GLCE: variants seen among roughly 807,000 people sequenced by gnomAD.
GLCE encodes D-glucuronyl C5-epimerase.
A neutral mutation model predicts 47.9 loss-of-function variants in GLCE; 19 were observed. The observed-to-expected ratio is 0.40, with a 90% CI of 0.28 to 0.58. The LOEUF is 0.58. Ranked by LOEUF, GLCE falls within the 20% of genes least tolerant of loss-of-function variation. GLCE has a pLI of 0.48. For synonymous variants in GLCE, 245 were observed against 263.4 expected (o/e 0.93, Z 0.68); for missense variants, 556 against 743.3 (o/e 0.75, Z 2.93).
chr15:69,178,623 T>C (rs1427325572), intron 1 of GLCE, among the ~76,000 whole-genome samples: 1 of 152,076 alleles, frequency 6.6e-6, no homozygotes, highest in Non-Finnish European at 1.5e-5. Context: ...AGGAGAACAT[T>C]TTTTGATTAT....
chr15:69,167,909 G>T (rs1444177894), intron 1 of GLCE, among the ~76,000 whole-genome samples: 1 of 151,238 alleles, frequency 6.6e-6, no homozygotes, highest in Non-Finnish European at 1.5e-5. Flanking sequence ...TGTTTCATGA[G>T]GTCTTTAACA....
In GLCE at chr15:69,177,707, C is replaced by T. The variant is rs190129541; in HGVS notation, c.-105+16950C>T. 7.3e-5 allele frequency among the ~76,000 whole-genome samples: 10 copies of T among 137,804 alleles called. No individual in the cohort carries two copies. In the East Asian group the frequency reaches 1.2e-3, roughly 17 times the overall value. The allele number at this position is 137,804 out of a possible 152,430, so 90.4% of individuals were successfully genotyped here. A position where few individuals can be genotyped will look rare whatever the true frequency, so the allele number is the denominator to read the frequency against. On this transcript the variant is annotated intron_variant, in intron 1 of 4. Coordinates refer to ENST00000261858, the MANE Select transcript of GLCE (RefSeq NM_015554.3). ...CCCCTTTATCATCTTTACTTCATGC[C>T]GCTTTATCATCTTTACTTCATGCCG...
chr15:69,262,700 T>C (rs2053031436), intron 4 of GLCE, among the ~76,000 whole-genome samples: 1 of 152,158 alleles, frequency 6.6e-6, no homozygotes, highest in Non-Finnish European at 1.5e-5. Context: ...CTGTAGCCAG[T>C]AGCTGGAGAT....
intron 2 of GLCE, among the ~76,000 whole-genome samples, chr15:69,233,523 C>T (rs976703096): frequency 6.6e-6 from 1 of 152,144 alleles, no homozygotes; most frequent in African/African-American, 2.4e-5. Flanking sequence ...TGGGGGGAAA[C>T]ATTGATGTCA....
intron 4 of GLCE, among the ~76,000 whole-genome samples, chr15:69,263,581 A>G (rs2053043711): frequency 6.6e-6 from 1 of 152,164 alleles, no homozygotes; most frequent in African/African-American, 2.4e-5. Flanking sequence ...TTAAAATTGA[A>G]TGAATTGAAA....
At chr15:69,224,575 C>T (rs1331536715) in intron 2 of GLCE, among the ~76,000 whole-genome samples, 1 of 152,098 alleles carries the variant, frequency 6.6e-6, no homozygotes, top group Admixed American at 6.5e-5. Context: ...TTGACTACAC[C>T]CATGTGATCT....
intron 1 of GLCE, among the ~76,000 whole-genome samples, chr15:69,164,334 A>G (rs1487650477): frequency 2.0e-5 from 3 of 152,008 alleles, no homozygotes. Flanking sequence ...GTTTCTAGAA[A>G]GGAAATCATA....
chr15:69,200,157 G>A (rs2052057028), intron 1 of GLCE, among the ~76,000 whole-genome samples: 1 of 152,104 alleles, frequency 6.6e-6, no homozygotes, highest in South Asian at 2.1e-4. Context: ...CAAGGAGAAA[G>A]TTTCGTGCCA....
Position 69,204,890 on chromosome 15 carries a change from G to T in GLCE, c.-104-5426G>T, listed in dbSNP as rs1313304843. 2.0e-5 allele frequency among the ~76,000 whole-genome samples: 3 copies of T among 152,010 alleles called. No homozygotes were observed. In the East Asian group the frequency reaches 5.8e-4, roughly 29 times the overall value. On this transcript the variant is annotated intron_variant, in intron 1 of 4. Transcript: ENST00000261858. ...GTCACGACTGAGCTATTTGTCACTT[G>T]CTCTATCTGAAAAGTAGGCAGAATA...
intron 3 of GLCE, among the ~76,000 whole-genome samples, chr15:69,258,463 A>G (rs1404038252): frequency 6.6e-6 from 1 of 152,194 alleles, no homozygotes; most frequent in East Asian, 1.9e-4. Context: ...TTTATTGAAC[A>G]TTTTAATAAC....
At chr15:69,242,785 C>T (rs1248946074) in intron 2 of GLCE, among the ~76,000 whole-genome samples, 2 of 151,996 alleles carry the variant, frequency 1.3e-5, no homozygotes, top group Admixed American at 6.6e-5. Flanking sequence ...TAGCTCATGC[C>T]TGTAATCCCA....
chr15:69,232,465 G>GTA (rs368817375), intron 2 of GLCE, among the ~76,000 whole-genome samples: 2 of 143,696 alleles, frequency 1.4e-5, no homozygotes, highest in Admixed American at 1.4e-4. Context: ...GTGTGTGTGT[G>GTA]TATGTATGTA....
At chr15:69,195,659 C>T (rs922450620) in intron 1 of GLCE, among the ~76,000 whole-genome samples, 7 of 152,052 alleles carry the variant, frequency 4.6e-5, no homozygotes, top group Non-Finnish European at 1.0e-4. Flanking sequence ...GGTATGTTTT[C>T]AGGGGAATGC....
At chr15:69,200,191 G>A (rs2052058058) in intron 1 of GLCE, among the ~76,000 whole-genome samples, 1 of 152,100 alleles carries the variant, frequency 6.6e-6, no homozygotes, top group African/African-American at 2.4e-5. Flanking sequence ...ATGCTCTGCT[G>A]TTGTTTTAAC....
intron 1 of GLCE, among the ~76,000 whole-genome samples, chr15:69,184,489 A>G (rs1451124062): frequency 6.6e-6 from 1 of 152,258 alleles, no homozygotes; most frequent in African/African-American, 2.4e-5. Context: ...CAGTGTTCTT[A>G]AAATATTTTT....
chr15:69,170,678 G>A (rs983622471), intron 1 of GLCE, among the ~76,000 whole-genome samples: 1 of 152,172 alleles, frequency 6.6e-6, no homozygotes, highest in Admixed American at 6.5e-5. Flanking sequence ...ACCATTTTGT[G>A]TATTAAAAAT....
chr15:69,200,549 A>G (rs755036571), intron 1 of GLCE, among the ~76,000 whole-genome samples: 2 of 152,174 alleles, frequency 1.3e-5, no homozygotes, highest in African/African-American at 2.4e-5. Context: ...CTTTTAAACA[A>G]GGTCTTTCTT....
rs2053142295 is a variant in GLCE at position 69,269,866 on chromosome 15, C to G, written c.*622C>G. 1 of 152,588 alleles carries G rather than the reference C, an allele frequency of 6.6e-6. No individual in the cohort carries two copies. The allele number at this position is 152,588 out of a possible 1,614,324, so 9.5% of individuals were successfully genotyped here. A position where few individuals can be genotyped will look rare whatever the true frequency, so the allele number is the denominator to read the frequency against. On this transcript the variant is annotated 3_prime_UTR_variant, in exon 5 of 5. Coordinates refer to ENST00000261858, the MANE Select transcript of GLCE (RefSeq NM_015554.3). The stretch of plus-strand genomic sequence containing the variant: ...GTAAATTAAAAACACAATCAGTGTT[C>G]AGGCTTCAGTTATATAATGTAAGCA...
intron 1 of GLCE, among the ~76,000 whole-genome samples, chr15:69,175,490 C>T (rs1392520802): frequency 6.6e-6 from 1 of 151,996 alleles, no homozygotes; most frequent in Admixed American, 6.6e-5. Context: ...ATATGAACAC[C>T]AAAAAGTTTA....
Sources: gnomAD v4.1 joint callset for allele counts (sites outside exome capture counted in the v4.1 genomes callset) on GRCh38, gnomAD v4.1.1 for gene constraint, MANE v1.5 for transcripts, NCBI Gene and HGNC (gene_info 2026-07-23, HGNC 2026-07-21) for gene names.